RPN2: variants seen among roughly 807,000 people sequenced by gnomAD.
The protein encoded by RPN2 is ribophorin II, also known as dolichyl-diphosphooligosaccharide--protein glycosyltransferase subunit 2.
Under a neutral mutation model 71.4 loss-of-function variants are expected in RPN2, and 29 were observed. The observed-to-expected ratio is 0.41, with a 90% CI of 0.30 to 0.55. The LOEUF (loss-of-function observed/expected upper bound fraction) is 0.55. Ranked by LOEUF, RPN2 falls within the 20% of genes least tolerant of loss-of-function variation. The pLI, the probability that RPN2 is intolerant of heterozygous loss-of-function variation, is 0.35. For missense variants in RPN2, 726 were observed against 774.1 expected (o/e 0.94, Z 0.74); for synonymous variants, 308 against 305.0 (o/e 1.01, Z -0.10).
intron 1 of RPN2, among the ~76,000 whole-genome samples, chr20:37,180,602 T>C (rs950960653): frequency 6.6e-6 from 1 of 152,202 alleles, no homozygotes; most frequent in Non-Finnish European, 1.5e-5. Context: ...TCTTCATATA[T>C]TGGGTACCCG....
chr20:37,240,486 T>C (rs1430804504), intron 16 of RPN2, among the ~76,000 whole-genome samples: 2 of 152,178 alleles, frequency 1.3e-5, no homozygotes, highest in African/African-American at 4.8e-5. Flanking sequence ...GACTGGATCA[T>C]TATCACCTTA....
chr20:37,230,495 A>C (rs1250638571), intron 13 of RPN2, among the ~76,000 whole-genome samples: 1 of 152,260 alleles, frequency 6.6e-6, no homozygotes, highest in Non-Finnish European at 1.5e-5. Flanking sequence ...CCTGTCCTGC[A>C]CGCAGGACTG....
At chr20:37,211,742 T>C (rs954564618) in intron 8 of RPN2, among the ~76,000 whole-genome samples, 3 of 151,418 alleles carry the variant, frequency 2.0e-5, no homozygotes, top group Non-Finnish European at 4.4e-5. Context: ...TTTTTTTTTT[T>C]CTTTTTTGAG....
rs369219188 is a variant in RPN2 at position 37,234,276 on chromosome 20, C to G, written c.1753+181C>G. Among the ~76,000 whole-genome samples, 135 of 152,246 alleles carry G rather than the reference C, an allele frequency of 8.9e-4. 1 individual carries two copies. The highest frequency in any genetic ancestry group is 3.2e-3 in the African/African-American group (131 of 41,460). ...GAAGATAAACCTGTTTGGTCCATCA[C>G]TTAGAACAGCTGTCATTATATTGGG... On this transcript the variant is annotated intron_variant, in intron 15 of 16. Coordinates refer to ENST00000237530, the MANE Select transcript of RPN2 (RefSeq NM_002951.5).
rs150708523 is a variant in RPN2 at position 37,215,656 on chromosome 20, A to G, written c.1092+1791A>G. On this transcript the variant is annotated intron_variant, in intron 9 of 16. Transcript: ENST00000237530. ...CACTTCTACCTTCTAGTCAGTTACC[A>G]AGTCCTATTGATTCCACCTCTGATT... 1.4e-3 allele frequency among the ~76,000 whole-genome samples: 211 copies of G among 152,114 alleles called. 2 individuals carry two copies. Among genetic ancestry groups the G allele is most frequent in the African/African-American group, 4.9e-3 (202 of 41,482 alleles).
In RPN2 at chr20:37,204,753, T is replaced by C. The variant is rs758613262; in HGVS notation, c.556-14T>C. The C allele has an allele frequency of 6.2e-7, 1 of 1,614,042 alleles. No homozygotes were observed. The highest frequency in any genetic ancestry group is 2.2e-5 in the East Asian group (1 of 44,898). On this transcript the variant is annotated splice_polypyrimidine_tract_variant and intron_variant, in intron 5 of 16. Coordinates refer to ENST00000237530, the MANE Select transcript of RPN2 (RefSeq NM_002951.5). ...TTACTTGACATCCAGCATATTTCTG[T>C]TTTGTTATGGCAGGACCTTGTTGCT...
At position 37,241,514 on chromosome 20, in the gene RPN2, TCTGACA is replaced by T; in HGVS notation, c.*203_*208del. 1.5e-6 allele frequency: 1 copy of T among 647,890 alleles called. No individual in the cohort carries two copies. The highest frequency in any genetic ancestry group is 1.9e-5 in the South Asian group (1 of 53,392). 40.1% of individuals were successfully genotyped at this position (647,890 alleles called of 1,614,324 possible). A position where few individuals can be genotyped will look rare whatever the true frequency, so the allele number is the denominator to read the frequency against. ...CTGGTGAGCTCAGATAGTCTCTTTCTCTGACACTGTGTAAGAAGCTGTGAATATTCC... is the reference window on the plus strand; with the variant it reads ...CTGGTGAGCTCAGATAGTCTCTTTCTCTGTGTAAGAAGCTGTGAATATTCC... On this transcript the variant is annotated 3_prime_UTR_variant, in exon 17 of 17. Coordinates refer to ENST00000237530, the MANE Select transcript of RPN2 (RefSeq NM_002951.5).
At chr20:37,224,412 C>T (rs1365792097) in intron 10 of RPN2, among the ~76,000 whole-genome samples, 2 of 152,190 alleles carry the variant, frequency 1.3e-5, no homozygotes, top group Non-Finnish European at 2.9e-5. Flanking sequence ...TGGCAAGTCT[C>T]TCTGGCCTAT....
chr20:37,198,375 T>C (rs1275670040), intron 2 of RPN2, 22 bp from the exon 3 acceptor site: 5 of 1,614,106 alleles, frequency 3.1e-6, no homozygotes, highest in Non-Finnish European at 4.2e-6. Flanking sequence ...CCACTTAACA[T>C]TGACTTTTCC....
intron 2 of RPN2, among the ~76,000 whole-genome samples, chr20:37,189,379 A>T (rs2067090598): frequency 6.6e-6 from 1 of 151,370 alleles, no homozygotes; most frequent in South Asian, 2.1e-4. Context: ...ATTCATTTAC[A>T]CATTGGGTAC....
At chr20:37,235,713 C>T (rs539389471) in intron 15 of RPN2, among the ~76,000 whole-genome samples, 160 of 152,044 alleles carry the variant, frequency 1.1e-3, no homozygotes, top group Non-Finnish European at 1.9e-3. Context: ...TGCAACGGTG[C>T]GATCTTGGCT....
intron 11 of RPN2, among the ~76,000 whole-genome samples, chr20:37,227,787 C>T (rs558881684): frequency 2.6e-5 from 4 of 152,338 alleles, no homozygotes; most frequent in East Asian, 3.9e-4. Flanking sequence ...ACCTTGGTTT[C>T]TTGTGCCATT....
In RPN2 at chr20:37,207,282, A is replaced by G. The variant is rs149019633; in HGVS notation, c.700A>G (p.Ile234Val). The stretch of plus-strand genomic sequence containing the variant: ...TTCGCATTTCTTTCAGGATCAGGTC[A>G]TCCAGCTGATGAACGCGATCTTCAG... Reference protein sequence around the residue: ...TEPSIKEDQVIQLMNAIFSKK... With the variant: ...TEPSIKEDQVVQLMNAIFSKK... Residue 234 changes from isoleucine to valine, a missense_variant, in exon 7 of 17, where the codon ATC becomes GTC. Coordinates refer to ENST00000237530, the MANE Select transcript of RPN2 (RefSeq NM_002951.5). 3.7e-6 allele frequency: 6 copies of G among 1,613,850 alleles called. No individual in the cohort carries two copies. The highest frequency in any genetic ancestry group is 5.1e-6 in the Non-Finnish European group (6 of 1,179,698).
intron 4 of RPN2, among the ~76,000 whole-genome samples, chr20:37,201,042 A>C (rs1424222726): frequency 6.6e-6 from 1 of 151,622 alleles, no homozygotes; most frequent in East Asian, 1.9e-4. Flanking sequence ...CAAATTTCTA[A>C]CTTCTCTGAG....
At chr20:37,199,409 C>T (rs776720366) in intron 4 of RPN2, among the ~76,000 whole-genome samples, 184 bp downstream of exon 4, 3 of 152,216 alleles carry the variant, frequency 2.0e-5, no homozygotes, top group African/African-American at 4.8e-5. Context: ...TCCGTGTCCT[C>T]GTGGAGCTCA....
At chr20:37,208,901 C>T (rs1403385552) in intron 7 of RPN2, among the ~76,000 whole-genome samples, 1 of 152,282 alleles carries the variant, frequency 6.6e-6, no homozygotes, top group East Asian at 1.9e-4. Flanking sequence ...TCCTCCTGAG[C>T]GAGTACCCTG....
At chr20:37,219,187 TA>T (rs2067893326) in intron 9 of RPN2, among the ~76,000 whole-genome samples, 1 of 152,230 alleles carries the variant, frequency 6.6e-6, no homozygotes, top group African/African-American at 2.4e-5. Context: ...CACTTGTTAT[TA>T]TCTGACTTTT....
rs140976923 is a variant in RPN2, at chr20:37,225,549, C to G, written c.1185-139C>G. 18 of 714,580 alleles carry G rather than the reference C, an allele frequency of 2.5e-5. No individual in the cohort carries two copies. In the African/African-American group the frequency reaches 2.6e-4, roughly 10 times the overall value. The allele number at this position is 714,580 out of a possible 1,614,324, so 44.3% of individuals were successfully genotyped here. On this transcript the variant is annotated intron_variant, in intron 10 of 16. Coordinates refer to ENST00000237530, the MANE Select transcript of RPN2 (RefSeq NM_002951.5). ...ATTTGCCCCCAGGTTGCAGACAGTT[C>G]TCCACATCTGTCTGTCCACAACAGA...
At chr20:37,190,249 T>C (rs1306657473) in intron 2 of RPN2, among the ~76,000 whole-genome samples, 2 of 152,182 alleles carry the variant, frequency 1.3e-5, no homozygotes, top group Non-Finnish European at 2.9e-5. Flanking sequence ...TTCTCTGCCA[T>C]CATCACAAGT....
Sources: gnomAD v4.1 joint callset for allele counts (sites outside exome capture counted in the v4.1 genomes callset) on GRCh38, gnomAD v4.1.1 for gene constraint, MANE v1.5 for transcripts, NCBI Gene and HGNC (gene_info 2026-07-23, HGNC 2026-07-21) for gene names.